ROBO2: variants seen among roughly 807,000 people sequenced by gnomAD.
ROBO2 encodes the protein roundabout guidance receptor 2.
A neutral mutation model predicts 160.8 loss-of-function variants in ROBO2; 53 were observed. The ratio of observed to expected loss-of-function variants is 0.33; its 90% CI spans 0.26 to 0.41. The LOEUF is 0.41. Ranked by LOEUF, ROBO2 falls within the 10% of genes least tolerant of loss-of-function variation. The pLI, the probability that ROBO2 is intolerant of heterozygous loss-of-function variation, is 1.00. For missense variants in ROBO2, 1,577 were observed against 1,722.4 expected (o/e 0.92, Z 1.49); for synonymous variants, 664 against 611.7 (o/e 1.09, Z -1.26).
intron 2 of ROBO2, among the ~76,000 whole-genome samples, chr3:76,533,588 C>T (rs115599288): frequency 0.014 from 2,071 of 152,208 alleles, 32 homozygotes; most frequent in African/African-American, 0.044. Context: ...CACACGAGTC[C>T]GTATAGAAGA....
intron 2 of ROBO2, among the ~76,000 whole-genome samples, chr3:76,396,758 A>C (rs907474267): frequency 2.0e-5 from 3 of 152,170 alleles, no homozygotes; most frequent in Admixed American, 6.6e-5. Context: ...TAGGAATCCA[A>C]CTTACGAGGG....
chr3:77,406,009 C>T (rs1170330003), intron 2 of ROBO2, among the ~76,000 whole-genome samples: 1 of 152,108 alleles, frequency 6.6e-6, no homozygotes, highest in Non-Finnish European at 1.5e-5. Flanking sequence ...AAAGATACTC[C>T]CTGAGACTGC....
chr3:76,170,982 A>G (rs2073019359), intron 2 of ROBO2, among the ~76,000 whole-genome samples: 1 of 152,170 alleles, frequency 6.6e-6, no homozygotes, highest in Non-Finnish European at 1.5e-5. Flanking sequence ...ACATTCATTT[A>G]TTACACATTA....
rs1453067225 is a variant in ROBO2 at position 77,370,868 on chromosome 3, C to T, written c.389-106546C>T. On this transcript the variant is annotated intron_variant, in intron 2 of 25. Transcript: ENST00000461745. ...ACAAGAGACCGCATTACCCACAAAT[C>T]GTAAAATATTTACTCTCTAGACTTT... Among the ~76,000 whole-genome samples, 4 of 152,206 alleles carry T rather than the reference C, an allele frequency of 2.6e-5. No homozygotes were observed. In the South Asian group the frequency reaches 6.2e-4, roughly 24 times the overall value.
chr3:76,984,618 GAA>G (rs950588610), intron 2 of ROBO2, among the ~76,000 whole-genome samples: 27 of 152,046 alleles, frequency 1.8e-4, no homozygotes, highest in African/African-American at 6.0e-4. Flanking sequence ...GAAAAAGTTT[GAA>G]AGATACATGG....
chr3:75,940,245 A>T (rs570875730), intron 2 of ROBO2, among the ~76,000 whole-genome samples: 6 of 152,314 alleles, frequency 3.9e-5, no homozygotes, highest in Non-Finnish European at 5.9e-5. Flanking sequence ...AGGAATGTAG[A>T]TTAATATCAT....
chr3:76,257,124 C>T (rs1328313024), intron 2 of ROBO2, among the ~76,000 whole-genome samples: 2 of 151,930 alleles, frequency 1.3e-5, no homozygotes, highest in Non-Finnish European at 2.9e-5. Flanking sequence ...GATTACAACT[C>T]ATAACATTAG....
intron 2 of ROBO2, among the ~76,000 whole-genome samples, chr3:77,209,837 T>C (rs2083897104): frequency 1.3e-5 from 2 of 152,144 alleles, no homozygotes; most frequent in South Asian, 4.1e-4. Context: ...TCCCAGATTC[T>C]TCACTCAGAA....
At chr3:76,093,633 TTTG>T (rs2069323326) in intron 2 of ROBO2, among the ~76,000 whole-genome samples, 1 of 151,278 alleles carries the variant, frequency 6.6e-6, no homozygotes, top group African/African-American at 2.4e-5. Context: ...TCAAATGGAA[TTTG>T]TTTTCAGTTA....
intron 2 of ROBO2, among the ~76,000 whole-genome samples, chr3:76,748,459 G>T (rs920527415): frequency 2.6e-5 from 4 of 151,458 alleles, no homozygotes; most frequent in African/African-American, 7.3e-5. Context: ...AAAACAACTG[G>T]TACTGTATAT....
chr3:77,602,392 G>A, exon 20 of ROBO2: 1 of 1,614,088 alleles, frequency 6.2e-7, no homozygotes, highest in Non-Finnish European at 8.5e-7. Context: ...TGAATTGGCT[G>A]TCGATCTGCC....
At chr3:75,906,820 A>T (rs1293382751) in exon 1 of ROBO2, 1 of 152,274 alleles carries the variant, frequency 6.6e-6, no homozygotes, top group Non-Finnish European at 1.5e-5. Flanking sequence ...AGTGGGAGAA[A>T]CCGGGGAGCA....
chr3:77,136,761 T>C (rs1016482849), intron 2 of ROBO2, among the ~76,000 whole-genome samples: 2 of 151,558 alleles, frequency 1.3e-5, no homozygotes, highest in African/African-American at 2.4e-5. Context: ...CTCAGCCTCC[T>C]GAGTAGCTGG....
intron 2 of ROBO2, among the ~76,000 whole-genome samples, chr3:77,137,484 C>T (rs975398187): frequency 6.6e-6 from 1 of 152,252 alleles, no homozygotes; most frequent in Non-Finnish European, 1.5e-5. Context: ...CCTCGGCCTC[C>T]CAAAGTGCTG....
intron 2 of ROBO2, among the ~76,000 whole-genome samples, chr3:76,763,187 CAT>C (rs35873330): frequency 0.84 from 126,781 of 151,226 alleles, 53,246 homozygotes; most frequent in Admixed American, 0.86. Flanking sequence ...AAGGTTTTGT[CAT>C]ATACCTGTTG....
chr3:76,224,558 T>C (rs1575975078), intron 2 of ROBO2, among the ~76,000 whole-genome samples: 1 of 152,196 alleles, frequency 6.6e-6, no homozygotes, highest in Non-Finnish European at 1.5e-5. Flanking sequence ...ATTCAATTGA[T>C]AAGCTATTCT....
At chr3:76,802,834 T>C (rs749181962) in intron 2 of ROBO2, among the ~76,000 whole-genome samples, 2 of 152,228 alleles carry the variant, frequency 1.3e-5, no homozygotes, top group Non-Finnish European at 2.9e-5. Flanking sequence ...AGACACTGTT[T>C]ACCTTACTTT....
At chr3:76,434,759 C>A (rs2076591157) in intron 2 of ROBO2, 1 of 1,197,868 alleles carries the variant, frequency 8.3e-7, no homozygotes, top group Admixed American at 1.7e-5. Flanking sequence ...AGTCCGCTTC[C>A]TGCTCAGCCC....
At chr3:77,034,820 T>C (rs2063531571) in intron 2 of ROBO2, among the ~76,000 whole-genome samples, 1 of 152,020 alleles carries the variant, frequency 6.6e-6, no homozygotes, top group African/African-American at 2.4e-5. Flanking sequence ...AATTTAATTA[T>C]ACAAATTCCA....
Sources: allele counts gnomAD v4.1 joint callset (sites outside exome capture counted in the v4.1 genomes callset), GRCh38; gene constraint gnomAD v4.1.1; transcripts MANE v1.5; gene names NCBI Gene and HGNC (gene_info 2026-07-23, HGNC 2026-07-21).